Variants in DOCK8 observed in about 807,000 individuals in gnomAD.
DOCK8 encodes dedicator of cytokinesis 8, also known as dedicator of cytokinesis protein 8.
DOCK8 carries 141 observed loss-of-function variants against 245.6 expected under a neutral mutation model. The ratio of observed to expected loss-of-function variants is 0.57; its 90% CI spans 0.50 to 0.66. The LOEUF is 0.66. Among genes scored for constraint, DOCK8 ranks in the 30% least tolerant of loss-of-function variants. DOCK8 has a pLI of 0.00. For missense variants in DOCK8, 2,965 were observed against 2,603.4 expected, an observed-to-expected ratio of 1.14 and a Z score of -3.02; for synonymous variants, 1,168 against 970.2, an observed-to-expected ratio of 1.20 and a Z score of -3.79.
At chr9:305,912 G>T (rs1413866479) in intron 5 of DOCK8, among the ~76,000 whole-genome samples, 2 of 152,140 alleles carry the variant, frequency 1.3e-5, no homozygotes, top group Non-Finnish European at 2.9e-5. Context: ...TAAACAAAAT[G>T]TGGTCGCCAG....
Position 414,813 on chromosome 9 carries a change from G to T in DOCK8, c.3562G>T (p.Ala1188Ser), listed in dbSNP as rs1363022551. The change falls in exon 29 of 48, where the codon GCA becomes TCA. Residue 1188 changes from alanine (A) to serine (S), a missense_variant. Ala to Ser is a moderately conservative substitution (Grantham distance 99, BLOSUM62 1). This residue lies in a region of DOCK8 where 2,825 missense variants were observed against 2,453.5 expected (regional missense o/e 1.15). Transcript: ENST00000432829. Reference sequence around the variant, plus strand: ...CAAAGTACAAAGGAAAGCTGTCAGTGCAATTCACAGCCTGCTAAGTTCTCA... The same window carrying T: ...CAAAGTACAAAGGAAAGCTGTCAGTTCAATTCACAGCCTGCTAAGTTCTCA... The part of the protein sequence containing the change: ...ISKVQRKAVS[A>S]IHSLLSSHDL... 2 of 1,614,106 alleles carry T rather than the reference G, an allele frequency of 1.2e-6. No homozygotes were observed. Among genetic ancestry groups the T allele is most frequent in the Non-Finnish European group, 1.7e-6 (2 of 1,180,046 alleles).
chr9:254,671 T>C (rs1018882149), intron 1 of DOCK8, among the ~76,000 whole-genome samples: 1 of 152,218 alleles, frequency 6.6e-6, no homozygotes, highest in African/African-American at 2.4e-5. Context: ...AAATTGCAGA[T>C]AGAACCACAT....
intron 44 of DOCK8, among the ~76,000 whole-genome samples, chr9:449,202 T>G (rs1459093935): frequency 6.6e-6 from 1 of 151,906 alleles, no homozygotes; most frequent in Non-Finnish European, 1.5e-5. Context: ...AATACAAAAT[T>G]ATCTGGGTGT....
intron 30 of DOCK8, among the ~76,000 whole-genome samples, chr9:419,891 G>C (rs2056202798): frequency 6.6e-6 from 1 of 152,248 alleles, no homozygotes; most frequent in Non-Finnish European, 1.5e-5. Flanking sequence ...TTGCTGAGCA[G>C]TTCATGACCC....
chr9:372,596 T>C (rs1010213485), intron 18 of DOCK8, among the ~76,000 whole-genome samples: 4 of 152,208 alleles, frequency 2.6e-5, no homozygotes, highest in Admixed American at 2.6e-4. Flanking sequence ...AGTAAACAAC[T>C]GTTCCCATCA....
intron 1 of DOCK8, among the ~76,000 whole-genome samples, chr9:258,260 A>G (rs553042934): frequency 6.6e-6 from 1 of 152,342 alleles, no homozygotes; most frequent in South Asian, 2.1e-4. Flanking sequence ...ACTAAGTCAC[A>G]CAGACATGCT....
chr9:371,653 C>G, intron 17 of DOCK8, 87 bp downstream of exon 17: 2 of 1,567,956 alleles, frequency 1.3e-6, no homozygotes, highest in Non-Finnish European at 1.7e-6. Flanking sequence ...ATTCTATTCA[C>G]TTGATTTTTT....
At chr9:244,577 G>T (rs660877) in intron 1 of DOCK8, among the ~76,000 whole-genome samples, 4 of 151,884 alleles carry the variant, frequency 2.6e-5, no homozygotes, top group Admixed American at 2.0e-4. Flanking sequence ...AACTTCAAGA[G>T]GATATGTTTT....
chr9:419,280 G>T (rs749116240), intron 30 of DOCK8, among the ~76,000 whole-genome samples: 1 of 152,220 alleles, frequency 6.6e-6, no homozygotes, highest in African/African-American at 2.4e-5. Flanking sequence ...CCATCACCAT[G>T]AGGATTGGGG....
At chr9:379,702 G>A in intron 20 of DOCK8, 69 bp from the exon 21 acceptor site, 1 of 1,563,458 alleles carries the variant, frequency 6.4e-7, no homozygotes, top group Non-Finnish European at 8.8e-7. Flanking sequence ...CACTGTCCTG[G>A]AGAAACTTCC....
intron 10 of DOCK8, 148 bp downstream of exon 10, chr9:332,626 G>C (rs528539562): frequency 2.7e-4 from 68 of 254,056 alleles, no homozygotes; most frequent in East Asian, 1.7e-3. Context: ...AAGAGGAAAA[G>C]AAAACTGGTC....
chr9:369,910 T>C, intron 15 of DOCK8: 1 of 361,938 alleles, frequency 2.8e-6, no homozygotes, highest in Non-Finnish European at 5.3e-6. Context: ...CAAGCGATCC[T>C]CTTGCCTCCG....
At chr9:264,133 A>G (rs1235997344) in intron 1 of DOCK8, among the ~76,000 whole-genome samples, 5 of 152,350 alleles carry the variant, frequency 3.3e-5, no homozygotes, top group Non-Finnish European at 7.3e-5. Context: ...AACACAAGAC[A>G]CTAAATGGTT....
At chr9:227,582 G>A (rs1302397611) in intron 1 of DOCK8, among the ~76,000 whole-genome samples, 1 of 152,176 alleles carries the variant, frequency 6.6e-6, no homozygotes, top group East Asian at 1.9e-4. Context: ...GTAAACCACT[G>A]AGATTTTTGA....
chr9:222,984 G>A (rs921786975), intron 1 of DOCK8, among the ~76,000 whole-genome samples: 2 of 152,044 alleles, frequency 1.3e-5, no homozygotes, highest in African/African-American at 4.8e-5. Context: ...ATAACTCATT[G>A]TATGTGTTTT....
chr9:432,267 A>G lies in DOCK8; in HGVS notation c.4728A>G (p.Thr1576=). The G allele has an allele frequency of 6.2e-7, 1 of 1,613,984 alleles. No individual in the cohort carries two copies. Among genetic ancestry groups the G allele is most frequent in the Non-Finnish European group, 8.5e-7 (1 of 1,179,982 alleles). Residue 1576 remains threonine, a synonymous_variant, in exon 37 of 48, where the codon ACA becomes ACG. Coordinates refer to ENST00000432829, the MANE Select transcript of DOCK8 (RefSeq NM_203447.4). ...NEEHLRRSLR[T]ILAYSEEDTA... ...AGCACCTGAGAAGATCCTTGAGGAC[A>G]ATTTTGGCCTATTCAGAAGAGGACA...
chr9:336,613 G>T lies in DOCK8; in HGVS notation c.1317G>T (p.Leu439Phe), dbSNP rs1276153873. ...GCTCAGTGGGTGAACGGAGGACATT[G>T]GCCCAATCTAGAAGGCTTTCTGAAA... is the stretch of plus-strand genomic sequence containing the variant. Reference protein sequence around the residue: ...GRSSVGERRTLAQSRRLSERA... With the variant: ...GRSSVGERRTFAQSRRLSERA... Residue 439 changes from leucine to phenylalanine, a missense_variant, in exon 12 of 48, where the codon TTG becomes TTT. Around this residue, in one of 3 missense-constraint regions of DOCK8, gnomAD observed 2,825 missense variants for 2,453.5 expected, o/e 1.15. Transcript: ENST00000432829. 3 of 1,614,056 alleles carry T rather than the reference G, an allele frequency of 1.9e-6. No homozygotes were observed. The highest frequency in any genetic ancestry group is 2.5e-6 in the Non-Finnish European group (3 of 1,180,038).
chr9:238,154 A>C (rs1364816490), intron 1 of DOCK8, among the ~76,000 whole-genome samples: 2 of 152,214 alleles, frequency 1.3e-5, no homozygotes, highest in Admixed American at 1.3e-4. Context: ...TGTTTTAATA[A>C]TAACAATGCA....
intron 1 of DOCK8, among the ~76,000 whole-genome samples, chr9:229,057 G>A (rs2047048568): frequency 6.6e-6 from 1 of 152,158 alleles, no homozygotes; most frequent in Admixed American, 6.5e-5. Flanking sequence ...CTTAAGTCTA[G>A]AACTCTCCAA....
Sources: gnomAD v4.1 joint callset for allele counts (sites outside exome capture counted in the v4.1 genomes callset) on GRCh38, gnomAD v4.1.1 for gene constraint, gnomAD v4.1.1 regional missense constraint, MANE v1.5 for transcripts, NCBI Gene and HGNC (gene_info 2026-07-23, HGNC 2026-07-21) for gene names.